The following RICTOR variants were observed in gnomAD, a reference collection of about 807,000 sequenced individuals.
RICTOR encodes the protein rapamycin-insensitive companion of mTOR.
Under a neutral mutation model 214.9 loss-of-function variants are expected in RICTOR, and 49 were observed. The observed-to-expected ratio is 0.23, with a 90% CI of 0.18 to 0.29. RICTOR has a LOEUF of 0.29. RICTOR is among the 10% of genes least tolerant of loss of function. The pLI is 1.00. For missense variants in RICTOR, 1,625 were observed against 2,047.0 expected, an observed-to-expected ratio of 0.79 and a Z score of 3.98; for synonymous variants, 717 against 711.3, an observed-to-expected ratio of 1.01 and a Z score of -0.13.
At chr5:39,048,595 T>TGA (rs1561062050) in intron 2 of RICTOR, among the ~76,000 whole-genome samples, 5 of 152,300 alleles carry the variant, frequency 3.3e-5, no homozygotes, top group Admixed American at 3.3e-4. Context: ...ATGTCCTGTG[T>TGA]GACTCTGCTG....
Position 38,967,221 on chromosome 5 carries a change from G to C in RICTOR, c.1158C>G (p.Asp386Glu). The change falls in exon 14 of 38, where the codon GAC becomes GAG. Residue 386 changes from aspartate to glutamate, a missense_variant. Physicochemically the swap from Asp to Glu is conservative, Grantham distance 45. Around this residue, in one of 5 missense-constraint regions of RICTOR, gnomAD observed 1,214 missense variants for 1,470.5 expected, o/e 0.83. Transcript: ENST00000357387. ...ILPHRARSRP[D>E]LMDNYLALIL... ...TCAGTGCCAAATAATTATCCATGAG[G>C]TCTGGCCTGGAAAAAACAGCACAGA... 6.2e-7 allele frequency: 1 copy of C among 1,612,498 alleles called. No homozygotes were observed. The highest frequency in any genetic ancestry group is 8.5e-7 in the Non-Finnish European group (1 of 1,178,544).
At chr5:39,014,708 T>C (rs887032210) in intron 3 of RICTOR, among the ~76,000 whole-genome samples, 48 of 152,254 alleles carry the variant, frequency 3.2e-4, no homozygotes, top group African/African-American at 1.2e-3. Flanking sequence ...CAGCAGTCTG[T>C]TATACACATT....
chr5:38,950,610 T>G lies in RICTOR; in HGVS notation c.3238A>C (p.Lys1080Gln). 1 of 1,613,290 alleles carries G rather than the reference T, an allele frequency of 6.2e-7. No individual in the cohort carries two copies. ...AAGAAAGGGAATGAATTTTTATCCT[T>G]TATGGGTCCAGATCGGTCATAAAAT... ...PTFYDRSGPIKDKNSFPFFAS... is the reference protein window; with the variant it reads ...PTFYDRSGPIQDKNSFPFFAS... The change falls in exon 31 of 38, where the codon AAG (lysine) becomes CAG (glutamine). Residue 1080 changes from lysine (K) to glutamine (Q), a missense_variant. Physicochemically the swap from Lys to Gln is moderately conservative, Grantham distance 53. Coordinates refer to ENST00000357387, the MANE Select transcript of RICTOR (RefSeq NM_152756.5).
intron 16 of RICTOR, among the ~76,000 whole-genome samples, chr5:38,963,516 A>G (rs1208219091): frequency 6.6e-6 from 1 of 151,998 alleles, no homozygotes; most frequent in African/African-American, 2.4e-5. Flanking sequence ...CTGTAACTGT[A>G]AATGGTATAT....
chr5:38,969,218 C>T (rs1035939084), intron 11 of RICTOR, among the ~76,000 whole-genome samples: 4 of 151,788 alleles, frequency 2.6e-5, no homozygotes, highest in African/African-American at 9.7e-5. Context: ...GTGATCTGCC[C>T]GCCTTGGCCT....
intron 2 of RICTOR, among the ~76,000 whole-genome samples, chr5:39,061,530 T>C (rs1758541718): frequency 6.6e-6 from 1 of 151,952 alleles, no homozygotes; most frequent in Non-Finnish European, 1.5e-5. Flanking sequence ...TATATGCACA[T>C]ACCTTTCCGA....
chr5:38,996,703 TTAA>T (rs1054142835), intron 6 of RICTOR, 113 bp downstream of exon 6: 5 of 581,220 alleles, frequency 8.6e-6, no homozygotes, highest in South Asian at 2.7e-5. Context: ...ATAAAAATGT[TTAA>T]TAAAAGTTTA....
At chr5:39,023,314 C>T (rs1303328182) in intron 2 of RICTOR, among the ~76,000 whole-genome samples, 1 of 150,062 alleles carries the variant, frequency 6.7e-6, no homozygotes, top group Non-Finnish European at 1.5e-5. Flanking sequence ...GAAAATCTTA[C>T]AAGTAACCAG....
intron 3 of RICTOR, among the ~76,000 whole-genome samples, chr5:39,019,753 G>T (rs776285204): frequency 1.3e-5 from 2 of 151,994 alleles, no homozygotes; most frequent in Non-Finnish European, 2.9e-5. Context: ...GGGGAATTGG[G>T]GAATAATTTT....
At chr5:38,968,333 T>C (rs1185259596) in intron 11 of RICTOR, among the ~76,000 whole-genome samples, 1 of 152,146 alleles carries the variant, frequency 6.6e-6, no homozygotes, top group Non-Finnish European at 1.5e-5. Context: ...GCACTGCCAG[T>C]TGTTTAAAAG....
In RICTOR at chr5:38,958,742, C is replaced by A; in HGVS notation, c.2268G>T (p.Val756=). Residue 756 remains valine (V), a synonymous_variant, in exon 23 of 38, where the codon GTG becomes GTT. Coordinates refer to ENST00000357387, the MANE Select transcript of RICTOR (RefSeq NM_152756.5). The part of the protein sequence containing the change: ...FFNNWGIELL[V]TQLHDKNKTI... ...TTTTGTTTTTATCATGTAGCTGGGTCACTAACAACTCAATTCCCCAATTAT... is the reference window on the plus strand; with the variant it reads ...TTTTGTTTTTATCATGTAGCTGGGTAACTAACAACTCAATTCCCCAATTAT... 6.2e-7 allele frequency: 1 copy of A among 1,611,012 alleles called. No individual in the cohort carries two copies. Among genetic ancestry groups the A allele is most frequent in the South Asian group, 1.1e-5 (1 of 90,656 alleles).
chr5:38,950,213 T>C lies in RICTOR; in HGVS notation c.3635A>G (p.His1212Arg), dbSNP rs1474178962. 2 of 1,613,588 alleles carry C rather than the reference T, an allele frequency of 1.2e-6. No homozygotes were observed. The highest frequency in any genetic ancestry group is 1.1e-5 in the South Asian group (1 of 91,072). The change falls in exon 31 of 38, where the codon CAT becomes CGT. Residue 1212 changes from histidine to arginine, a missense_variant. Transcript: ENST00000357387. ...RLVVESSTSS[H>R]MKIRSQSFNT... ...GAAACTTTGGCTACGTATCTTCATA[T>C]GTGAGCTCGTTGAACTTTCTACTAC...
At chr5:39,058,265 G>A (rs905095863) in intron 2 of RICTOR, among the ~76,000 whole-genome samples, 1 of 151,800 alleles carries the variant, frequency 6.6e-6, no homozygotes, top group African/African-American at 2.4e-5. Flanking sequence ...TACAACAAAA[G>A]AAAAATGTAA....
intron 2 of RICTOR, among the ~76,000 whole-genome samples, chr5:39,069,924 T>C (rs138914706): frequency 6.6e-6 from 1 of 152,352 alleles, no homozygotes; most frequent in East Asian, 1.9e-4. Flanking sequence ...TTCTCTCCTC[T>C]GGCTACTATT....
intron 16 of RICTOR, among the ~76,000 whole-genome samples, chr5:38,964,161 C>T (rs1031500669): frequency 4.6e-5 from 7 of 151,782 alleles, no homozygotes; most frequent in Admixed American, 1.3e-4. Context: ...AAAAGACATT[C>T]CTAGCGTAGA....
At chr5:39,011,397 T>C (rs1235238686) in intron 3 of RICTOR, among the ~76,000 whole-genome samples, 4 of 152,154 alleles carry the variant, frequency 2.6e-5, no homozygotes, top group East Asian at 3.9e-4. Flanking sequence ...GCTAGGACAC[T>C]GTGGAAGGGA....
rs184545447 is a variant in RICTOR at position 38,952,959 on chromosome 5, A to G, written c.2897+26T>C. 3.3e-4 allele frequency: 460 copies of G among 1,389,674 alleles called. 2 individuals are homozygous for G. The African/African-American group carries it at 5.9e-3, about 18-fold the overall frequency. 86.1% of individuals were successfully genotyped at this position (1,389,674 alleles called of 1,614,324 possible). ...TTGTGAATAACAACGTCTACATTAG[A>G]AAGATTTCTGAGTTAAATGACCTAC... On this transcript the variant is annotated intron_variant, in intron 29 of 37. Coordinates refer to ENST00000357387, the MANE Select transcript of RICTOR (RefSeq NM_152756.5).
intron 1 of RICTOR, 42 bp downstream of exon 1, chr5:39,074,287 C>T (rs2150230302): frequency 6.5e-7 from 1 of 1,549,198 alleles, no homozygotes. Context: ...CCAGGGGTGG[C>T]GGGCGCCGGG....
intron 3 of RICTOR, among the ~76,000 whole-genome samples, chr5:39,014,778 A>G (rs1226072737): frequency 6.6e-6 from 1 of 152,184 alleles, no homozygotes; most frequent in Non-Finnish European, 1.5e-5. Context: ...TCACATGGTT[A>G]AAGGATCACA....
Sources: gnomAD v4.1 joint callset for allele counts (sites outside exome capture counted in the v4.1 genomes callset) on GRCh38, gnomAD v4.1.1 for gene constraint, gnomAD v4.1.1 regional missense constraint, MANE v1.5 for transcripts, NCBI Gene and HGNC (gene_info 2026-07-23, HGNC 2026-07-21) for gene names.